CATSPERT: variants seen among roughly 807,000 people sequenced by gnomAD.
CATSPERT encodes catsper channel auxiliary subunit tau, also known as cation channel sperm-associated targeting subunit tau.
At chr2:201,511,506 A>G in the CATSPERT span, among the ~76,000 whole-genome samples, 2 of 152,136 alleles carry the variant, frequency 1.3e-5, no homozygotes, top group African/African-American at 4.8e-5. Flanking sequence ...TTTTTACTGT[A>G]TCATACGAGT....
chr2:201,592,710 G>T, the CATSPERT span, among the ~76,000 whole-genome samples: 1 of 152,136 alleles, frequency 6.6e-6, no homozygotes, highest in East Asian at 1.9e-4. Flanking sequence ...TTAGTCTTGG[G>T]AGAGTGTATG....
chr2:201,536,441 T>TGG, the CATSPERT span: 1 of 1,230,988 alleles, frequency 8.1e-7, no homozygotes, highest in Non-Finnish European at 1.1e-6. Flanking sequence ...CAAATTACCA[T>TGG]TATTATTTGT....
the CATSPERT span, chr2:201,582,154 T>A: frequency 6.2e-7 from 1 of 1,610,704 alleles, no homozygotes; most frequent in Non-Finnish European, 8.5e-7. Flanking sequence ...CGTTTTTCTC[T>A]ATTGTCATAT....
At chr2:201,535,330 C>A in the CATSPERT span, 1 of 982,324 alleles carries the variant, frequency 1.0e-6, no homozygotes, top group South Asian at 4.7e-5. Flanking sequence ...CTTTTTATAC[C>A]ATTTGATGAA....
At chr2:201,604,491 G>T in the CATSPERT span, 1 of 504,510 alleles carries the variant, frequency 2.0e-6, no homozygotes, top group African/African-American at 2.0e-5. Flanking sequence ...ATGTTTTTCT[G>T]ACTCATAAAA....
chr2:201,618,588 T>A, the CATSPERT span, among the ~76,000 whole-genome samples: 1 of 150,914 alleles, frequency 6.6e-6, no homozygotes, highest in Non-Finnish European at 1.5e-5. Context: ...AGGGATAGCA[T>A]TAGGAGATAT....
chr2:201,550,419 A>G, the CATSPERT span: 1 of 152,200 alleles, frequency 6.6e-6, no homozygotes, highest in African/African-American at 2.4e-5. Context: ...TTCTAGCCCT[A>G]TTTAGCCTAT....
chr2:201,528,461 A>G, the CATSPERT span, among the ~76,000 whole-genome samples: 1 of 152,176 alleles, frequency 6.6e-6, no homozygotes, highest in Non-Finnish European at 1.5e-5. Flanking sequence ...ACATTCATGT[A>G]TATGTTCATC....
At chr2:201,610,339 T>C in the CATSPERT span, among the ~76,000 whole-genome samples, 1 of 151,992 alleles carries the variant, frequency 6.6e-6, no homozygotes, top group Admixed American at 6.6e-5. Context: ...GCGCCTGTAG[T>C]CTCAGCTACT....
At chr2:201,551,341 GTAC>G in the CATSPERT span, among the ~76,000 whole-genome samples, 1 of 151,648 alleles carries the variant, frequency 6.6e-6, no homozygotes, top group Admixed American at 6.6e-5. Context: ...CTATTTTAAA[GTAC>G]TACTATTTTA....
At chr2:201,618,914 GCCCGGTGCCCT>G in the CATSPERT span, 2 of 1,613,772 alleles carry the variant, frequency 1.2e-6, no homozygotes, top group Non-Finnish European at 1.7e-6. Context: ...AGCAGCCGGT[GCCCGGTGCCCT>G]CCTGGTTCTT....
At chr2:201,582,540 T>C in the CATSPERT span, among the ~76,000 whole-genome samples, 1 of 152,140 alleles carries the variant, frequency 6.6e-6, no homozygotes, top group Non-Finnish European at 1.5e-5. Context: ...AAGTTCACCC[T>C]CAATACTCTA....
At chr2:201,561,348 C>T in the CATSPERT span, among the ~76,000 whole-genome samples, 8,378 of 152,046 alleles carry the variant, frequency 0.055, 281 homozygotes, top group African/African-American at 0.081. Context: ...CCTACATATA[C>T]GACTTTTTTA....
chr2:201,495,926 G>A, the CATSPERT span: 1 of 1,598,136 alleles, frequency 6.3e-7, no homozygotes, highest in Non-Finnish European at 8.5e-7. Flanking sequence ...TATATATTCT[G>A]GTCTGAAAGA....
At chr2:201,588,492 T>A in the CATSPERT span, among the ~76,000 whole-genome samples, 2 of 149,088 alleles carry the variant, frequency 1.3e-5, no homozygotes, top group African/African-American at 4.9e-5. Flanking sequence ...TGAAGGACCA[T>A]ACCTCAGAAT....
At chr2:201,545,892 A>G in the CATSPERT span, among the ~76,000 whole-genome samples, 8 of 152,220 alleles carry the variant, frequency 5.3e-5, no homozygotes, top group East Asian at 1.4e-3. Flanking sequence ...TGAGTGATGA[A>G]TGTGGGAGAT....
the CATSPERT span, among the ~76,000 whole-genome samples, chr2:201,609,541 T>C: frequency 6.6e-6 from 1 of 152,160 alleles, no homozygotes; most frequent in African/African-American, 2.4e-5. Flanking sequence ...AAGGGGAACT[T>C]TGGAAACTGT....
At chr2:201,534,614 G>A in the CATSPERT span, 11 of 983,502 alleles carry the variant, frequency 1.1e-5, no homozygotes, top group Non-Finnish European at 1.2e-5. Flanking sequence ...TGACTAATGA[G>A]CAAAAAAAAG....
the CATSPERT span, among the ~76,000 whole-genome samples, chr2:201,540,346 G>A: frequency 1.8e-4 from 28 of 152,340 alleles, no homozygotes; most frequent in African/African-American, 6.7e-4. Context: ...GAAAGAAGGT[G>A]TCATCTAGAC....
Sources: gnomAD v4.1 joint callset for allele counts (sites outside exome capture counted in the v4.1 genomes callset) on GRCh38, gnomAD v4.1.1 for gene constraint, MANE v1.5 for transcripts, NCBI Gene and HGNC (gene_info 2026-07-23, HGNC 2026-07-21) for gene names.